OSBPL1A: variants seen among roughly 807,000 people sequenced by gnomAD.
OSBPL1A encodes the protein oxysterol-binding protein-related protein 1.
Under a neutral mutation model 137.1 loss-of-function variants are expected in OSBPL1A, and 80 were observed. That is an observed-to-expected ratio of 0.58 (90% CI 0.49 to 0.70). The LOEUF is 0.70. Ranked by LOEUF, OSBPL1A falls within the 30% of genes least tolerant of loss-of-function variation. The pLI is 0.00. For missense variants in OSBPL1A, 970 were observed against 1,129.4 expected, an observed-to-expected ratio of 0.86 and a Z score of 2.02; for synonymous variants, 365 against 389.7, an observed-to-expected ratio of 0.94 and a Z score of 0.75.
At chr18:24,212,987 GA>G (rs2087588280) in intron 17 of OSBPL1A, among the ~76,000 whole-genome samples, 1 of 152,102 alleles carries the variant, frequency 6.6e-6, no homozygotes, top group Non-Finnish European at 1.5e-5. Flanking sequence ...TTTCAGGTTC[GA>G]ATTCAGACAA....
chr18:24,198,347 G>A (rs969353738), intron 17 of OSBPL1A, among the ~76,000 whole-genome samples: 2 of 152,192 alleles, frequency 1.3e-5, no homozygotes, highest in African/African-American at 4.8e-5. Context: ...GAAATTGTCA[G>A]AGGACTGTCA....
chr18:24,229,631 C>T (rs773935040), intron 16 of OSBPL1A, among the ~76,000 whole-genome samples: 11 of 152,196 alleles, frequency 7.2e-5, no homozygotes, highest in African/African-American at 9.7e-5. Context: ...GAGGGCATAG[C>T]CACTGTGGAG....
chr18:24,336,527 CG>C (rs1820071779), intron 5 of OSBPL1A, among the ~76,000 whole-genome samples: 1 of 151,996 alleles, frequency 6.6e-6, no homozygotes, highest in African/African-American at 2.4e-5. Flanking sequence ...CTACAGAAAT[CG>C]TTCTAAAGGA....
chr18:24,171,414 A>G lies in OSBPL1A; in HGVS notation c.2286T>C (p.Asp762=), dbSNP rs2086282620. The G allele has an allele frequency of 6.2e-7, 1 of 1,605,772 alleles. No homozygotes were observed. Among genetic ancestry groups the G allele is most frequent in the Middle Eastern group, 1.7e-4 (1 of 6,016 alleles). ...ELHKVEGYIQ[D]KSKKKLCALY... is the part of the protein sequence containing the mutation. Reference sequence around the variant, plus strand: ...ATTTAAAAGAGAAATTTTACCTTTTATCTTGAATGTAGCCTTCAACTTTGT... The same window carrying G: ...ATTTAAAAGAGAAATTTTACCTTTTGTCTTGAATGTAGCCTTCAACTTTGT... Residue 762 remains aspartate, a synonymous_variant, in exon 23 of 28, where the codon GAT becomes GAC. Transcript: ENST00000319481.
At chr18:24,261,743 C>T (rs889032118) in intron 15 of OSBPL1A, among the ~76,000 whole-genome samples, 4 of 152,010 alleles carry the variant, frequency 2.6e-5, no homozygotes, top group Admixed American at 1.3e-4. Context: ...TAACTTGGGA[C>T]GATCATCTGA....
chr18:24,177,777 T>C (rs1433938358), intron 21 of OSBPL1A, among the ~76,000 whole-genome samples: 1 of 152,242 alleles, frequency 6.6e-6, no homozygotes, highest in Non-Finnish European at 1.5e-5. Flanking sequence ...GATCTTAAAA[T>C]AGATCCAAAC....
In OSBPL1A at chr18:24,341,100, A is replaced by G. The variant is rs375567385; in HGVS notation, c.394+447T>C. ...AGCCTCAAACTCCTAGGCTCAAACA[A>G]TCCTCCTCCCTCCGCCTCCCAAGTA... On this transcript the variant is annotated intron_variant, in intron 5 of 27. Transcript: ENST00000319481. Among the ~76,000 whole-genome samples the G allele has an allele frequency of 2.6e-5, 4 of 152,044 alleles. No homozygotes were observed. In the East Asian group the frequency reaches 7.7e-4, roughly 29 times the overall value.
intron 17 of OSBPL1A, among the ~76,000 whole-genome samples, chr18:24,211,170 T>C (rs1220238120): frequency 6.6e-6 from 1 of 152,082 alleles, no homozygotes; most frequent in Non-Finnish European, 1.5e-5. Context: ...TTTCACCAGG[T>C]TGGCCAGGCT....
intron 1 of OSBPL1A, among the ~76,000 whole-genome samples, chr18:24,378,260 T>C (rs1251937661): frequency 2.0e-5 from 3 of 152,092 alleles, no homozygotes; most frequent in African/African-American, 4.8e-5. Flanking sequence ...TTCATGCCCA[T>C]TGAATTAGCA....
intron 14 of OSBPL1A, among the ~76,000 whole-genome samples, chr18:24,292,198 A>C (rs907390413): frequency 6.6e-6 from 1 of 152,344 alleles, no homozygotes; most frequent in Admixed American, 6.5e-5. Flanking sequence ...ATAAGGTAGA[A>C]ATTCTTCTAC....
At chr18:24,300,255 CACA>C (rs576174494) in intron 14 of OSBPL1A, among the ~76,000 whole-genome samples, 55 of 152,146 alleles carry the variant, frequency 3.6e-4, no homozygotes, top group Non-Finnish European at 5.0e-4. Flanking sequence ...CGATCAAAGA[CACA>C]ACGTTTGGTC....
intron 1 of OSBPL1A, among the ~76,000 whole-genome samples, chr18:24,388,434 A>C (rs979991303): frequency 5.3e-5 from 8 of 152,124 alleles, no homozygotes; most frequent in African/African-American, 7.2e-5. Flanking sequence ...ATGCCTTACA[A>C]AAGGTACATC....
intron 1 of OSBPL1A, among the ~76,000 whole-genome samples, chr18:24,390,040 C>T (rs533448658): frequency 1.3e-5 from 2 of 152,246 alleles, no homozygotes; most frequent in South Asian, 4.2e-4. Flanking sequence ...GCCAATTCAC[C>T]TGAGTGCCAG....
chr18:24,335,460 T>G (rs1294548502), intron 5 of OSBPL1A, among the ~76,000 whole-genome samples: 1 of 152,180 alleles, frequency 6.6e-6, no homozygotes, highest in Admixed American at 6.5e-5. Flanking sequence ...AAGTCATACT[T>G]ACAGGAAAAG....
intron 4 of OSBPL1A, among the ~76,000 whole-genome samples, chr18:24,359,434 C>T (rs1490516349): frequency 1.3e-5 from 2 of 152,038 alleles, no homozygotes. Context: ...CGTGGTGGCT[C>T]ATGCCTGTGA....
chr18:24,349,221 G>A (rs1046184460), intron 4 of OSBPL1A, among the ~76,000 whole-genome samples: 2 of 152,008 alleles, frequency 1.3e-5, no homozygotes, highest in African/African-American at 2.4e-5. Context: ...GCTTTGAAAA[G>A]TGTCAATATT....
At chr18:24,219,034 T>C (rs1308308191) in intron 17 of OSBPL1A, among the ~76,000 whole-genome samples, 2 of 152,040 alleles carry the variant, frequency 1.3e-5, no homozygotes, top group Admixed American at 6.6e-5. Context: ...GGCTCATGCC[T>C]GTAATCCCAG....
intron 1 of OSBPL1A, among the ~76,000 whole-genome samples, chr18:24,384,796 G>C (rs1906835397): frequency 6.6e-6 from 1 of 151,414 alleles, no homozygotes; most frequent in Non-Finnish European, 1.5e-5. Context: ...CTTGAACCTG[G>C]GAGGCAGGCA....
intron 18 of OSBPL1A, among the ~76,000 whole-genome samples, chr18:24,184,248 C>CA (rs140732119): frequency 0.53 from 79,993 of 151,944 alleles, 24,033 homozygotes; most frequent in Non-Finnish European, 0.68. Context: ...GAATGCTTTC[C>CA]AAAACACCTT....
Sources: gnomAD v4.1 joint callset for allele counts (sites outside exome capture counted in the v4.1 genomes callset) on GRCh38, gnomAD v4.1.1 for gene constraint, MANE v1.5 for transcripts, NCBI Gene and HGNC (gene_info 2026-07-23, HGNC 2026-07-21) for gene names.